Variants in SHTN1 observed in about 807,000 individuals in gnomAD.
The protein encoded by SHTN1 is shootin-1.
A neutral mutation model predicts 83.1 loss-of-function variants in SHTN1; 42 were observed. The observed-to-expected ratio is 0.51, with a 90% CI of 0.39 to 0.65. The LOEUF is 0.65. Among genes scored for constraint, SHTN1 ranks in the 30% least tolerant of loss-of-function variants. The pLI is 0.00. For missense variants in SHTN1, 622 were observed against 737.8 expected (o/e 0.84, Z 1.82); for synonymous variants, 224 against 247.7 (o/e 0.90, Z 0.90).
At chr10:117,052,518 T>C (rs1852761233) in intron 1 of SHTN1, among the ~76,000 whole-genome samples, 1 of 152,072 alleles carries the variant, frequency 6.6e-6, no homozygotes, top group South Asian at 2.1e-4. Flanking sequence ...CACTTCCCAA[T>C]TTCCTAACTT....
chr10:117,092,102 G>A (rs907444369), intron 1 of SHTN1, among the ~76,000 whole-genome samples: 3 of 152,186 alleles, frequency 2.0e-5, no homozygotes, highest in Non-Finnish European at 4.4e-5. Flanking sequence ...ACCAAAGCCT[G>A]TACATGTAAC....
intron 13 of SHTN1, among the ~76,000 whole-genome samples, chr10:116,914,132 C>T (rs1008134894): frequency 2.6e-5 from 4 of 152,184 alleles, no homozygotes; most frequent in East Asian, 1.9e-4. Flanking sequence ...TAGCCACTCT[C>T]GCCTTGCCTG....
intron 7 of SHTN1, among the ~76,000 whole-genome samples, chr10:116,946,508 G>C (rs1418752734): frequency 7.8e-6 from 1 of 128,790 alleles, no homozygotes; most frequent in East Asian, 2.2e-4. Context: ...TATATAAAAT[G>C]ATTTATATAT....
intron 5 of SHTN1, among the ~76,000 whole-genome samples, chr10:116,953,465 A>G (rs1849846187): frequency 6.6e-6 from 1 of 152,130 alleles, no homozygotes. Context: ...CACAATTGTT[A>G]TATACCCTAT....
chr10:116,944,945 T>C lies in SHTN1; in HGVS notation c.690A>G (p.Lys230=). ...NLELEKDLRK[K]AESFAQEMFI... is the part of the protein sequence containing the mutation. ...CCACCTCTTGTGCAAATGACTCTGC[T>C]TTCTTTCGAAGGTCCTTCTCCAGCT... is the stretch of plus-strand genomic sequence containing the variant. Residue 230 remains lysine (K), a synonymous_variant, in exon 8 of 17, where the codon AAA becomes AAG. Transcript: ENST00000355371. The C allele has an allele frequency of 6.2e-7, 1 of 1,610,200 alleles. No individual in the cohort carries two copies. Among genetic ancestry groups the C allele is most frequent in the African/African-American group, 1.3e-5 (1 of 74,932 alleles).
At chr10:116,959,608 T>C (rs1460719590) in intron 4 of SHTN1, among the ~76,000 whole-genome samples, 1 of 152,200 alleles carries the variant, frequency 6.6e-6, no homozygotes, top group Non-Finnish European at 1.5e-5. Context: ...TGAGATAGAA[T>C]GTAGAAAATT....
rs1333947324 is a variant in SHTN1 at position 116,927,456 on chromosome 10, T to G, written c.1112+336A>C. The stretch of plus-strand genomic sequence containing the variant: ...ATGGCGGAAGGCAAGGAGAAGCAAG[T>G]CACATCTTACATGGCAGCAGGGAAG... On this transcript the variant is annotated intron_variant, in intron 11 of 16. Coordinates refer to ENST00000355371, the MANE Select transcript of SHTN1 (RefSeq NM_001127211.3). 5.9e-5 allele frequency among the ~76,000 whole-genome samples: 9 copies of G among 152,214 alleles called. No individual in the cohort carries two copies. In the East Asian group the frequency reaches 1.7e-3, roughly 29 times the overall value.
intron 9 of SHTN1, among the ~76,000 whole-genome samples, chr10:116,932,562 T>C (rs904504014): frequency 6.6e-6 from 1 of 152,210 alleles, no homozygotes; most frequent in African/African-American, 2.4e-5. Context: ...GAGTATACTG[T>C]ATTTCCAGTT....
intron 1 of SHTN1, among the ~76,000 whole-genome samples, chr10:117,056,214 G>A (rs1852824995): frequency 6.6e-6 from 1 of 152,130 alleles, no homozygotes; most frequent in African/African-American, 2.4e-5. Context: ...CCAACTCAAT[G>A]TATGAGGTTA....
At chr10:117,032,558 A>T (rs749987346) in intron 2 of SHTN1, among the ~76,000 whole-genome samples, 3 of 152,152 alleles carry the variant, frequency 2.0e-5, no homozygotes, top group African/African-American at 7.2e-5. Flanking sequence ...AGCCAATATT[A>T]TTAGAGCTAA....
At chr10:117,022,306 T>A (rs1220198159) in intron 2 of SHTN1, among the ~76,000 whole-genome samples, 1 of 152,190 alleles carries the variant, frequency 6.6e-6, no homozygotes, top group Non-Finnish European at 1.5e-5. Context: ...AGTGCTAATA[T>A]CTAAACCAAT....
intron 1 of SHTN1, among the ~76,000 whole-genome samples, chr10:117,124,949 C>A (rs753877911): frequency 6.6e-6 from 1 of 152,122 alleles, no homozygotes; most frequent in African/African-American, 2.4e-5. Flanking sequence ...ATACCTGCTG[C>A]GGGAACCTTG....
chr10:117,116,827 G>C (rs754056006), intron 1 of SHTN1, among the ~76,000 whole-genome samples: 2 of 152,116 alleles, frequency 1.3e-5, no homozygotes, highest in Non-Finnish European at 2.9e-5. Flanking sequence ...TATTTCCATA[G>C]ATGCTGAAAA....
At chr10:116,963,011 A>G (rs1383332998) in intron 3 of SHTN1, among the ~76,000 whole-genome samples, 3 of 54,418 alleles carry the variant, frequency 5.5e-5, no homozygotes, top group African/African-American at 1.8e-4. Flanking sequence ...ATGTAAATTT[A>G]TTTGCACATT....
chr10:116,911,740 CTCCTT>C (rs762517958), intron 14 of SHTN1, 45 bp downstream of exon 14: 49 of 1,574,898 alleles, frequency 3.1e-5, no homozygotes, highest in Admixed American at 2.5e-4. Context: ...TTAAAATACT[CTCCTT>C]TCATTTCCCC....
At chr10:117,085,671 T>C (rs564018919) in intron 1 of SHTN1, among the ~76,000 whole-genome samples, 6 of 152,332 alleles carry the variant, frequency 3.9e-5, no homozygotes, top group East Asian at 1.9e-4. Context: ...TATGTCTTTA[T>C]TGATTTTCTG....
At chr10:117,054,314 G>A (rs1252530089) in intron 1 of SHTN1, among the ~76,000 whole-genome samples, 1 of 151,976 alleles carries the variant, frequency 6.6e-6, no homozygotes, top group Non-Finnish European at 1.5e-5. Flanking sequence ...CAAAACCTAA[G>A]GCCATGCAAG....
chr10:116,959,297 T>G (rs1184485274), intron 4 of SHTN1, among the ~76,000 whole-genome samples: 1 of 152,240 alleles, frequency 6.6e-6, no homozygotes, highest in Non-Finnish European at 1.5e-5. Context: ...TTATGAATTC[T>G]AATGTAGTGT....
chr10:117,024,621 G>A (rs1852305910), intron 2 of SHTN1, among the ~76,000 whole-genome samples: 1 of 152,034 alleles, frequency 6.6e-6, no homozygotes, highest in Admixed American at 6.6e-5. Context: ...GCCTCCCAAA[G>A]TGCTGGGATT....
Sources: allele counts gnomAD v4.1 joint callset (sites outside exome capture counted in the v4.1 genomes callset), GRCh38; gene constraint gnomAD v4.1.1; transcripts MANE v1.5; gene names NCBI Gene and HGNC (gene_info 2026-07-23, HGNC 2026-07-21).